The following ABLIM2 variants were observed in gnomAD, a reference collection of about 807,000 sequenced individuals.
The protein encoded by ABLIM2 is actin binding LIM protein family member 2, also known as actin-binding LIM protein 2.
ABLIM2 carries 53 observed loss-of-function variants against 97.7 expected under a neutral mutation model. The observed-to-expected ratio is 0.54, with a 90% CI of 0.44 to 0.68. ABLIM2 has a LOEUF of 0.68. ABLIM2 is among the 30% of genes least tolerant of loss of function. The pLI is 0.00. For synonymous variants in ABLIM2, 361 were observed against 345.8 expected (o/e 1.04, Z -0.49); for missense variants, 835 against 867.2 (o/e 0.96, Z 0.47).
At chr4:7,975,549 A>C (rs1732311820) in intron 20 of ABLIM2, among the ~76,000 whole-genome samples, 1 of 152,122 alleles carries the variant, frequency 6.6e-6, no homozygotes, top group African/African-American at 2.4e-5. Flanking sequence ...AGTGTTAATC[A>C]CATCTGCCCA....
At chr4:8,108,809 G>A (rs1052227668) in intron 1 of ABLIM2, among the ~76,000 whole-genome samples, 1 of 152,254 alleles carries the variant, frequency 6.6e-6, no homozygotes, top group African/African-American at 2.4e-5. Flanking sequence ...CTCTGAGAAA[G>A]TTGCCTCCAC....
Position 8,054,044 on chromosome 4 carries a change from C to A in ABLIM2, c.822+144G>T, listed in dbSNP as rs1579944353. 5 of 813,864 alleles carry A rather than the reference C, an allele frequency of 6.1e-6. No homozygotes were observed. Among genetic ancestry groups the A allele is most frequent in the Non-Finnish European group, 1.0e-5 (5 of 489,338 alleles). The allele number at this position is 813,864 out of a possible 1,614,324, so 50.4% of individuals were successfully genotyped here. A position where few individuals can be genotyped will look rare whatever the true frequency, so the allele number is the denominator to read the frequency against. On this transcript the variant is annotated intron_variant, in intron 8 of 20. Transcript: ENST00000447017. This position sits in a 1 kb window ranked among gnomAD's most constrained non-coding sequence, Gnocchi z 4.9. ...CCAGTCTACTTGTTTACCCTCCCCA[C>A]CTCCTAAGCCTGGCTGCCCCCATCC...
rs911391410 is a variant in ABLIM2 at position 8,083,034 on chromosome 4, G to A, written c.455-2232C>T. ...TGTCATAACTTGGAGGGGGTTCCAG[G>A]CATCTAGTGGGCAGTGGACACAGGA... On this transcript the variant is annotated intron_variant, in intron 4 of 20. Transcript: ENST00000447017. This position sits in a 1 kb window ranked among gnomAD's most constrained non-coding sequence, Gnocchi z 4.6. Among the ~76,000 whole-genome samples the A allele has an allele frequency of 1.3e-5, 2 of 152,188 alleles. No homozygotes were observed. Among genetic ancestry groups the A allele is most frequent in the African/African-American group, 4.8e-5 (2 of 41,448 alleles).
intron 6 of ABLIM2, among the ~76,000 whole-genome samples, chr4:8,063,343 G>A (rs1028156968): frequency 6.6e-6 from 1 of 152,248 alleles, no homozygotes; most frequent in Non-Finnish European, 1.5e-5. Context: ...GAGATTATAG[G>A]CGTGAGCCAC....
rs769159663 is a variant in ABLIM2, at chr4:8,083,779, A to G, written c.455-2977T>C. 2.6e-4 allele frequency among the ~76,000 whole-genome samples: 39 copies of G among 152,230 alleles called. No homozygotes were observed. Among genetic ancestry groups the G allele is most frequent in the Non-Finnish European group, 3.8e-4 (26 of 67,990 alleles). On this transcript the variant is annotated intron_variant, in intron 4 of 20. Coordinates refer to ENST00000447017, the MANE Select transcript of ABLIM2 (RefSeq NM_001130083.2). The surrounding 1 kb of genome is among the most constrained non-coding windows in gnomAD (Gnocchi z 4.6). ...GCAGAAGGGGCCCCAGGACCCCCCA[A>G]TGTCAGCTGGCCACGTGCCCGTACA...
intron 4 of ABLIM2, among the ~76,000 whole-genome samples, chr4:8,086,358 T>C (rs1423177197): frequency 6.7e-6 from 1 of 150,252 alleles, no homozygotes; most frequent in Non-Finnish European, 1.5e-5. Context: ...ACTTTTTTTT[T>C]TTTTTTTTTT....
chr4:8,142,622 T>C (rs1462968965), intron 1 of ABLIM2, among the ~76,000 whole-genome samples: 1 of 152,170 alleles, frequency 6.6e-6, no homozygotes, highest in Non-Finnish European at 1.5e-5. Context: ...AGCTGCTGAA[T>C]GGTGCATGGT....
intron 1 of ABLIM2, among the ~76,000 whole-genome samples, chr4:8,107,139 C>T (rs1837857778): frequency 6.6e-6 from 1 of 152,264 alleles, no homozygotes. Flanking sequence ...TTCAAATTTC[C>T]TCTGGGTCCT....
Position 8,088,254 on chromosome 4 carries a change from G to A in ABLIM2, c.369C>T (p.Thr123=). Residue 123 remains threonine (T), a synonymous_variant, in exon 4 of 21, where the codon ACC becomes ACT. Coordinates refer to ENST00000447017, the MANE Select transcript of ABLIM2 (RefSeq NM_001130083.2). ...RLPFPPGDRV[T]FNGKECMCQK... ...GGCACATGCATTCCTTCCCGTTGAAGGTCACTCGGTCCCCGGGGGGGAAGG... is the reference window on the plus strand; with the variant it reads ...GGCACATGCATTCCTTCCCGTTGAAAGTCACTCGGTCCCCGGGGGGGAAGG... The A allele has an allele frequency of 1.2e-6, 2 of 1,613,014 alleles. No homozygotes were observed. Among genetic ancestry groups the A allele is most frequent in the Non-Finnish European group, 1.7e-6 (2 of 1,179,598 alleles).
Position 7,966,879 on chromosome 4 carries a change from C to CCCTGGGAAAAAGAA in ABLIM2, c.*110_*111insTTCTTTTTCCCAGG. The stretch of plus-strand genomic sequence containing the variant: ...CTGGGGGACCCCCTCCCGCCCACCC[C>CCCTGGGAAAAAGAA]ATGGACACAGAGAAGCCAGAGCAAG... On this transcript the variant is annotated 3_prime_UTR_variant, in exon 21 of 21. Coordinates refer to ENST00000447017, the MANE Select transcript of ABLIM2 (RefSeq NM_001130083.2). 2.8e-6 allele frequency: 1 copy of CCCTGGGAAAAAGAA among 361,394 alleles called. No individual in the cohort carries two copies. The highest frequency in any genetic ancestry group is 5.3e-6 in the Non-Finnish European group (1 of 187,626). 22.4% of individuals were successfully genotyped at this position (361,394 alleles called of 1,614,324 possible). A position where few individuals can be genotyped will look rare whatever the true frequency, so the allele number is the denominator to read the frequency against.
At chr4:7,985,014 G>C in intron 17 of ABLIM2, 121 bp from the exon 18 acceptor site, 1 of 1,030,368 alleles carries the variant, frequency 9.7e-7, no homozygotes, top group South Asian at 1.6e-5. Context: ...GGGGAGTAGG[G>C]TGTCCTTAGC....
At chr4:8,096,125 G>A (rs536311951) in intron 3 of ABLIM2, among the ~76,000 whole-genome samples, 373 of 152,236 alleles carry the variant, frequency 2.5e-3, no homozygotes, top group Non-Finnish European at 4.2e-3. Context: ...TCCGGAAACT[G>A]CCTCCAGGAA....
chr4:8,030,055 C>A (rs1021216344), intron 10 of ABLIM2, among the ~76,000 whole-genome samples: 10 of 152,122 alleles, frequency 6.6e-5, no homozygotes, highest in African/African-American at 2.4e-4. Flanking sequence ...CCCCTCCTGC[C>A]GGTGGGGGCT....
intron 20 of ABLIM2, among the ~76,000 whole-genome samples, chr4:7,979,549 C>A (rs1052800413): frequency 6.6e-6 from 1 of 152,238 alleles, no homozygotes; most frequent in Non-Finnish European, 1.5e-5. Context: ...GTAACCTAAG[C>A]AGCTGTCACC....
At chr4:8,111,236 G>C (rs1840139620) in intron 1 of ABLIM2, among the ~76,000 whole-genome samples, 1 of 152,264 alleles carries the variant, frequency 6.6e-6, no homozygotes, top group South Asian at 2.1e-4. Context: ...GCTGGAAGAA[G>C]CCTGGAAAGG....
Position 8,116,336 on chromosome 4 carries a change from C to T in ABLIM2, c.11-9699G>A, listed in dbSNP as rs1321741853. Among the ~76,000 whole-genome samples, 6 of 152,240 alleles carry T rather than the reference C, an allele frequency of 3.9e-5. No individual in the cohort carries two copies. The East Asian group carries it at 1.2e-3, about 29-fold the overall frequency. On this transcript the variant is annotated intron_variant, in intron 1 of 20. Transcript: ENST00000447017. Reference sequence around the variant, plus strand: ...TCTCTCTGTGCATGCCCCCCAAGGGCAGGAACCCCATCCCACCCTGCTGAG... The same window carrying T: ...TCTCTCTGTGCATGCCCCCCAAGGGTAGGAACCCCATCCCACCCTGCTGAG...
At position 8,158,664 on chromosome 4, in the gene ABLIM2, G is replaced by A. The variant is rs774836650; in HGVS notation, c.10+16C>T. The A allele has an allele frequency of 6.7e-6, 10 of 1,503,600 alleles. No individual in the cohort carries two copies. The highest frequency in any genetic ancestry group is 2.8e-5 in the East Asian group (1 of 35,262). 93.1% of individuals were successfully genotyped at this position (1,503,600 alleles called of 1,614,324 possible). On this transcript the variant is annotated intron_variant, in intron 1 of 20. Coordinates refer to ENST00000447017, the MANE Select transcript of ABLIM2 (RefSeq NM_001130083.2). The stretch of plus-strand genomic sequence containing the variant: ...CAGCGCGGGGACCCGTTGGTCCCTC[G>A]GTCCCCAGCACCCACCTGCACTCAT...
intron 20 of ABLIM2, among the ~76,000 whole-genome samples, chr4:7,979,092 C>T (rs1735978307): frequency 6.6e-6 from 1 of 152,250 alleles, no homozygotes; most frequent in Non-Finnish European, 1.5e-5. Flanking sequence ...TAGCCAGTTC[C>T]TGCTGCCTGG....
chr4:8,137,655 C>T (rs994874494), intron 1 of ABLIM2, among the ~76,000 whole-genome samples: 8 of 152,234 alleles, frequency 5.3e-5, no homozygotes, highest in Admixed American at 1.3e-4. Flanking sequence ...GCTGTGGAGT[C>T]GCTCCCTGAG....
Sources: gnomAD v4.1 joint callset for allele counts (sites outside exome capture counted in the v4.1 genomes callset) on GRCh38, gnomAD v4.1.1 for gene constraint, Gnocchi (gnomAD v3.1) non-coding constraint, MANE v1.5 for transcripts, NCBI Gene and HGNC (gene_info 2026-07-23, HGNC 2026-07-21) for gene names.